The following ITK variants were observed in gnomAD, a reference collection of about 807,000 sequenced individuals.
ITK encodes the protein IL2 inducible T cell kinase.
A neutral mutation model predicts 87.6 loss-of-function variants in ITK; 45 were observed. The ratio of observed to expected loss-of-function variants is 0.51; its 90% CI spans 0.40 to 0.66. ITK has a LOEUF of 0.66. ITK is among the 30% of genes least tolerant of loss of function. The pLI, the probability that ITK is intolerant of heterozygous loss-of-function variation, is 0.00. For synonymous variants in ITK, 303 were observed against 273.6 expected (o/e 1.11, Z -1.06); for missense variants, 605 against 766.3 (o/e 0.79, Z 2.48).
chr5:157,227,697 TGAG>T (rs945727285), intron 6 of ITK, among the ~76,000 whole-genome samples: 6 of 152,224 alleles, frequency 3.9e-5, no homozygotes, highest in Admixed American at 3.3e-4. Flanking sequence ...AATTTCACAA[TGAG>T]GAGAACAGCA....
rs951282368 is a variant in ITK at position 157,210,521 on chromosome 5, C to A, written c.244-766C>A. On this transcript the variant is annotated intron_variant, in intron 2 of 16. Transcript: ENST00000422843. ...TTAGTTAACAGTATTGTACCAATGA[C>A]AATCTCTTGGTTTTTTTTTTTTTTA... 3.3e-4 allele frequency among the ~76,000 whole-genome samples: 46 copies of A among 138,024 alleles called. No individual in the cohort carries two copies. The Admixed American group carries it at 3.5e-3, about 11-fold the overall frequency. The allele number at this position is 138,024 out of a possible 152,430, so 90.5% of individuals were successfully genotyped here.
chr5:157,232,333 C>A lies in ITK; in HGVS notation c.714-7C>A. On this transcript the variant is annotated splice_polypyrimidine_tract_variant and splice_region_variant and intron_variant, in intron 7 of 16. Coordinates refer to ENST00000422843, the MANE Select transcript of ITK (RefSeq NM_005546.4). ...GTCATTGACATATGACTTTTCCTTG[C>A]TTTCAGGTGGTACAATAAGAGTATC... 6.2e-7 allele frequency: 1 copy of A among 1,603,288 alleles called. No individual in the cohort carries two copies. The highest frequency in any genetic ancestry group is 2.2e-5 in the East Asian group (1 of 44,792).
rs765056835 is a variant in ITK at position 157,180,989 on chromosome 5, T to C, written c.12T>C (p.Phe4=). 2 of 1,613,824 alleles carry C rather than the reference T, an allele frequency of 1.2e-6. No individual in the cohort carries two copies. The highest frequency in any genetic ancestry group is 1.7e-5 in the Admixed American group (1 of 59,992). MNN[F]ILLEEQLIKK... ...TCAAGAACTGGATCATGAACAACTT[T>C]ATCCTCCTGGAAGAACAGCTCATCA... The change falls in exon 1 of 17, where the codon TTT becomes TTC. Residue 4 remains phenylalanine (F), a synonymous_variant. Coordinates refer to ENST00000422843, the MANE Select transcript of ITK (RefSeq NM_005546.4).
At chr5:157,233,040 T>C (rs983321424) in intron 8 of ITK, among the ~76,000 whole-genome samples, 2 of 152,196 alleles carry the variant, frequency 1.3e-5, no homozygotes, top group African/African-American at 4.8e-5. Context: ...CTCAGGGATG[T>C]CAAGATTAAG....
intron 6 of ITK, among the ~76,000 whole-genome samples, chr5:157,226,349 C>T (rs1580896288): frequency 1.3e-5 from 2 of 151,948 alleles, no homozygotes; most frequent in East Asian, 3.9e-4. Context: ...GATGACCCAG[C>T]TTTGGGTGGC....
At chr5:157,233,755 A>G (rs1224537293) in intron 8 of ITK, among the ~76,000 whole-genome samples, 1 of 151,658 alleles carries the variant, frequency 6.6e-6, no homozygotes, top group Non-Finnish European at 1.5e-5. Context: ...TGTTTAAACA[A>G]GTATAGTTTT....
intron 1 of ITK, 22 bp from the exon 2 acceptor site, chr5:157,208,867 G>C: frequency 6.6e-7 from 1 of 1,503,908 alleles, no homozygotes; most frequent in Non-Finnish European, 9.3e-7. Context: ...TACATGAATG[G>C]GATGTTCTTC....
At chr5:157,198,300 T>C (rs924279551) in intron 1 of ITK, among the ~76,000 whole-genome samples, 1 of 152,232 alleles carries the variant, frequency 6.6e-6, no homozygotes, top group Admixed American at 6.5e-5. Flanking sequence ...TCTTTTCTTT[T>C]CTTTCCTTCT....
chr5:157,206,155 A>C (rs1347548452), intron 1 of ITK, among the ~76,000 whole-genome samples: 1 of 151,814 alleles, frequency 6.6e-6, no homozygotes, highest in Non-Finnish European at 1.5e-5. Context: ...GAGTTTCACC[A>C]CGTTTCCCAG....
At chr5:157,186,975 C>T (rs1005223411) in intron 1 of ITK, among the ~76,000 whole-genome samples, 4 of 152,216 alleles carry the variant, frequency 2.6e-5, no homozygotes, top group African/African-American at 7.2e-5. Context: ...ATTGCCCTAA[C>T]GATGGACACC....
intron 13 of ITK, among the ~76,000 whole-genome samples, 188 bp downstream of exon 13, chr5:157,244,666 C>T (rs528685046): frequency 1.3e-5 from 2 of 152,194 alleles, no homozygotes; most frequent in African/African-American, 4.8e-5. Flanking sequence ...CTTCTGGGCT[C>T]TGATCCCAGC....
chr5:157,239,453 C>G (rs1200809225), intron 9 of ITK, among the ~76,000 whole-genome samples: 1 of 152,126 alleles, frequency 6.6e-6, no homozygotes, highest in Non-Finnish European at 1.5e-5. Flanking sequence ...ACAGACAGCC[C>G]CTGCCTAGCA....
chr5:157,240,361 C>G, intron 10 of ITK, 166 bp downstream of exon 10: 1 of 697,666 alleles, frequency 1.4e-6, no homozygotes, highest in Non-Finnish European at 2.6e-6. Context: ...AGGTTGTGTG[C>G]TCCTTATAAG....
At chr5:157,210,008 C>A (rs1238976343) in intron 2 of ITK, among the ~76,000 whole-genome samples, 1 of 151,906 alleles carries the variant, frequency 6.6e-6, no homozygotes, top group East Asian at 1.9e-4. Flanking sequence ...TCACTGCAAC[C>A]TCCACCTCCC....
At chr5:157,194,373 G>T (rs994641890) in intron 1 of ITK, among the ~76,000 whole-genome samples, 2 of 152,158 alleles carry the variant, frequency 1.3e-5, no homozygotes, top group African/African-American at 4.8e-5. Context: ...AAGGAAAGAT[G>T]CTGTATCCGC....
In ITK at chr5:157,208,892, A is replaced by C; in HGVS notation, c.142A>C (p.Lys48Gln). The change falls in exon 2 of 17, where the codon AAG (lysine) becomes CAG (glutamine). Residue 48 changes from lysine to glutamine, a missense_variant. Around this residue, in one of 3 missense-constraint regions of ITK, gnomAD observed 464 missense variants for 578.0 expected, o/e 0.80. Transcript: ENST00000422843. ...GGATGTTCTTCTCTCCCCACAGAAG[A>C]AGCGCACGCTGAAGGGGTCCATTGA... ...LAYFEDRHGK[K>Q]RTLKGSIELS... is the part of the protein sequence containing the mutation. 6.2e-7 allele frequency: 1 copy of C among 1,611,138 alleles called. No individual in the cohort carries two copies. The highest frequency in any genetic ancestry group is 8.5e-7 in the Non-Finnish European group (1 of 1,177,338).
chr5:157,213,502 T>A (rs748130717), intron 3 of ITK: 70 of 418,302 alleles, frequency 1.7e-4, no homozygotes, highest in Non-Finnish European at 2.8e-4. Context: ...TTCAGCCTCC[T>A]GAGTAGCTGG....
At chr5:157,222,751 A>T in intron 5 of ITK, 112 bp from the exon 6 acceptor site, 1 of 1,019,742 alleles carries the variant, frequency 9.8e-7, no homozygotes, top group Non-Finnish European at 1.5e-6. Context: ...TCTAACTCAT[A>T]AAGAAAGTCT....
intron 8 of ITK, among the ~76,000 whole-genome samples, chr5:157,236,641 T>C (rs747494827): frequency 3.5e-4 from 53 of 152,216 alleles, no homozygotes; most frequent in Non-Finnish European, 7.2e-4. Context: ...AATATTTGGC[T>C]TAACAAATGT....
Sources: gnomAD v4.1 joint callset for allele counts (sites outside exome capture counted in the v4.1 genomes callset) on GRCh38, gnomAD v4.1.1 for gene constraint, gnomAD v4.1.1 regional missense constraint, MANE v1.5 for transcripts, NCBI Gene and HGNC (gene_info 2026-07-23, HGNC 2026-07-21) for gene names.